Variants in PKHD1L1 observed in about 807,000 individuals in gnomAD.
PKHD1L1 encodes the protein fibrocystin-L.
Under a neutral mutation model 462.9 loss-of-function variants are expected in PKHD1L1, and 434 were observed. The observed-to-expected ratio is 0.94, with a 90% CI of 0.87 to 1.02. The LOEUF is 1.02. PKHD1L1 is among the 50% of genes least tolerant of loss of function. The pLI is 0.00. For missense variants in PKHD1L1, 5,202 were observed against 5,096.1 expected, an observed-to-expected ratio of 1.02 and a Z score of -0.63; for synonymous variants, 1,781 against 1,750.0, an observed-to-expected ratio of 1.02 and a Z score of -0.44.
At chr8:109,375,084 C>T (rs555446283) in intron 2 of PKHD1L1, among the ~76,000 whole-genome samples, 2 of 152,296 alleles carry the variant, frequency 1.3e-5, no homozygotes, top group African/African-American at 4.8e-5. Flanking sequence ...TGGATAATAT[C>T]CTGCAGAGCG....
At position 109,472,686 on chromosome 8, in the gene PKHD1L1, A is replaced by G. The variant is rs974682492; in HGVS notation, c.8606-2432A>G. Among the ~76,000 whole-genome samples, 13 of 150,328 alleles carry G rather than the reference A, an allele frequency of 8.6e-5. No individual in the cohort carries two copies. In the East Asian group the frequency reaches 2.5e-3, roughly 29 times the overall value. On this transcript the variant is annotated intron_variant, in intron 50 of 77. Coordinates refer to ENST00000378402, the MANE Select transcript of PKHD1L1 (RefSeq NM_177531.6). ...GACCACATTGCAAATTAGAGAAAAC[A>G]CTATGCTAGGCATTTTACTTCTGTG...
intron 17 of PKHD1L1, among the ~76,000 whole-genome samples, chr8:109,407,720 G>A (rs546062797): frequency 4.2e-4 from 64 of 152,180 alleles, no homozygotes; most frequent in African/African-American, 1.5e-3. Flanking sequence ...AAAACTAAAA[G>A]AATTTTTGGA....
chr8:109,526,880 G>A lies in PKHD1L1; in HGVS notation c.12581G>A (p.Ser4194Asn). 3 of 1,608,232 alleles carry A rather than the reference G, an allele frequency of 1.9e-6. No individual in the cohort carries two copies. Among genetic ancestry groups the A allele is most frequent in the South Asian group, 1.1e-5 (1 of 90,266 alleles). Reference protein sequence around the residue: ...LLAESVSSSGSSSSSNSKAST... With the variant: ...LLAESVSSSGNSSSSNSKAST... ...GCAGAGTCTGTCTCTAGCAGTGGCA[G>A]CAGCAGCAGCAGCAACAGCAAAGCA... Residue 4194 changes from serine (S) to asparagine (N), a missense_variant, in exon 77 of 78, where the codon AGC (serine) becomes AAC (asparagine). This residue lies in a region of PKHD1L1 where 698 missense variants were observed against 736.3 expected (regional missense o/e 0.95). Coordinates refer to ENST00000378402, the MANE Select transcript of PKHD1L1 (RefSeq NM_177531.6).
chr8:109,444,830 G>T lies in PKHD1L1; in HGVS notation c.4961G>T (p.Arg1654Leu), dbSNP rs373094487. ...ACGTTGTCCAATGAATTTGATAGGC[G>T]ATTTGTACTTTTGCCAAACATTGAC... ...INTLSNEFDRRFVLLPNIDLV... is the reference protein window; with the variant it reads ...INTLSNEFDRLFVLLPNIDLV... The change falls in exon 38 of 78, where the codon CGA becomes CTA. Residue 1654 changes from arginine to leucine, a missense_variant. This residue lies in a region of PKHD1L1 where 4,497 missense variants were observed against 4,336.8 expected (regional missense o/e 1.04). Transcript: ENST00000378402. 3 of 1,613,866 alleles carry T rather than the reference G, an allele frequency of 1.9e-6. No individual in the cohort carries two copies. Among genetic ancestry groups the T allele is most frequent in the African/African-American group, 1.3e-5 (1 of 74,916 alleles).
intron 76 of PKHD1L1, 144 bp from the exon 77 acceptor site, chr8:109,526,640 A>G: frequency 1.4e-6 from 1 of 727,576 alleles, no homozygotes; most frequent in South Asian, 1.9e-5. Context: ...GTCTGTACTT[A>G]AACTAATTTA....
intron 50 of PKHD1L1, among the ~76,000 whole-genome samples, chr8:109,467,086 G>T (rs890712853): frequency 2.6e-5 from 4 of 152,160 alleles, no homozygotes; most frequent in Admixed American, 1.3e-4. Context: ...AAATGTTTTT[G>T]ATTGTCCTTG....
intron 68 of PKHD1L1, among the ~76,000 whole-genome samples, chr8:109,505,835 G>T (rs1261912669): frequency 6.6e-6 from 1 of 152,172 alleles, no homozygotes; most frequent in Admixed American, 6.5e-5. Flanking sequence ...AGCCCAGGAG[G>T]TTGAGGCTGC....
chr8:109,461,914 A>G lies in PKHD1L1; in HGVS notation c.7383+6A>G. ...GGAGAATAGAATATGTAGAGGTGAG[A>G]GGCATTATTACTAAATCACAGTGGT... On this transcript the variant is annotated splice_donor_region_variant and intron_variant, in intron 48 of 77. Coordinates refer to ENST00000378402, the MANE Select transcript of PKHD1L1 (RefSeq NM_177531.6). The G allele has an allele frequency of 6.3e-7, 1 of 1,592,630 alleles. No individual in the cohort carries two copies. The highest frequency in any genetic ancestry group is 1.8e-5 in the Admixed American group (1 of 56,968).
chr8:109,365,282 G>C (rs1041864038), intron 2 of PKHD1L1, among the ~76,000 whole-genome samples: 1 of 152,028 alleles, frequency 6.6e-6, no homozygotes, highest in Non-Finnish European at 1.5e-5. Flanking sequence ...CAGATACTTA[G>C]GAATTTTTGA....
In PKHD1L1 at chr8:109,429,409, T is replaced by C. The variant is rs1468854880; in HGVS notation, c.3070T>C (p.Phe1024Leu). 6.2e-7 allele frequency: 1 copy of C among 1,603,982 alleles called. No individual in the cohort carries two copies. The highest frequency in any genetic ancestry group is 8.5e-7 in the Non-Finnish European group (1 of 1,173,848). Residue 1024 changes from phenylalanine to leucine, a missense_variant, in exon 26 of 78, where the codon TTC becomes CTC. Transcript: ENST00000378402. ...TACAAGGATAAAGGAAGGTGGCTTA[T>C]TCAGACAACATGTACTTGGAGACCT... ...TVTRIKEGGL[F>L]RQHVLGDLLR...
rs751294174 is a variant in PKHD1L1, at chr8:109,464,328, A to C, written c.7496A>C (p.Tyr2499Ser). ...AGAGGCTGTGCAATTCACCAGGCCT[A>C]TAACAGAGCTGTTACTATTCATAAC... ...YVRGCAIHQA[Y>S]NRAVTIHNTH... is the part of the protein sequence containing the mutation. The change falls in exon 49 of 78, where the codon TAT (tyrosine) becomes TCT (serine). Residue 2499 changes from tyrosine to serine, a missense_variant. By Grantham distance (144) the Tyr-to-Ser change is moderately radical. Around this residue, in one of 3 missense-constraint regions of PKHD1L1, gnomAD observed 4,497 missense variants for 4,336.8 expected, o/e 1.04. Transcript: ENST00000378402. 1.2e-6 allele frequency: 2 copies of C among 1,613,368 alleles called. No homozygotes were observed. Among genetic ancestry groups the C allele is most frequent in the Admixed American group, 3.3e-5 (2 of 59,934 alleles).
chr8:109,408,318 A>G (rs761533829), intron 18 of PKHD1L1, 112 bp downstream of exon 18: 36 of 983,452 alleles, frequency 3.7e-5, no homozygotes, highest in Non-Finnish European at 5.0e-5. Flanking sequence ...AAATCACTGC[A>G]AATTATTTAT....
intron 10 of PKHD1L1, among the ~76,000 whole-genome samples, chr8:109,394,857 T>C (rs116609013): frequency 6.6e-6 from 1 of 152,288 alleles, no homozygotes; most frequent in Admixed American, 6.5e-5. Flanking sequence ...CCATCATAAG[T>C]TGAAAATATT....
chr8:109,487,450 CCCTT>C (rs1818587957), intron 59 of PKHD1L1, among the ~76,000 whole-genome samples: 1 of 146,768 alleles, frequency 6.8e-6, no homozygotes, highest in South Asian at 2.2e-4. Flanking sequence ...CTCCCTCCCT[CCCTT>C]CCTCCCTCCC....
At chr8:109,500,443 A>G (rs1462646762) in intron 67 of PKHD1L1, among the ~76,000 whole-genome samples, 1 of 150,432 alleles carries the variant, frequency 6.6e-6, no homozygotes, top group African/African-American at 2.5e-5. Flanking sequence ...TTGGAAGGCC[A>G]AGGTGGATGA....
At chr8:109,515,117 A>G (rs1820197255) in intron 71 of PKHD1L1, 53 bp from the exon 72 acceptor site, 1 of 1,355,880 alleles carries the variant, frequency 7.4e-7, no homozygotes, top group African/African-American at 1.5e-5. Context: ...TTAAGTGCTA[A>G]ATTACAAATA....
At position 109,461,918 on chromosome 8, in the gene PKHD1L1, A is replaced by G. The variant is rs368119313; in HGVS notation, c.7383+10A>G. ...AATAGAATATGTAGAGGTGAGAGGC[A>G]TTATTACTAAATCACAGTGGTTTGC... On this transcript the variant is annotated intron_variant, in intron 48 of 77. Coordinates refer to ENST00000378402, the MANE Select transcript of PKHD1L1 (RefSeq NM_177531.6). 1.9e-6 allele frequency: 3 copies of G among 1,590,286 alleles called. No individual in the cohort carries two copies. The highest frequency in any genetic ancestry group is 2.6e-6 in the Non-Finnish European group (3 of 1,167,296).
intron 38 of PKHD1L1, among the ~76,000 whole-genome samples, chr8:109,446,580 GT>G (rs1816153827): frequency 6.6e-6 from 1 of 152,128 alleles, no homozygotes; most frequent in Non-Finnish European, 1.5e-5. Context: ...CCTTCAACGA[GT>G]TTGCTGTCGA....
At chr8:109,424,560 G>A (rs997367942) in intron 23 of PKHD1L1, among the ~76,000 whole-genome samples, 19 of 151,916 alleles carry the variant, frequency 1.3e-4, no homozygotes, top group African/African-American at 4.4e-4. Context: ...AATTTCTACA[G>A]CATTTGCTGC....
Sources: gnomAD v4.1 joint callset for allele counts (sites outside exome capture counted in the v4.1 genomes callset) on GRCh38, gnomAD v4.1.1 for gene constraint, gnomAD v4.1.1 regional missense constraint, MANE v1.5 for transcripts, NCBI Gene and HGNC (gene_info 2026-07-23, HGNC 2026-07-21) for gene names.